SRCAP: variants seen among roughly 807,000 people sequenced by gnomAD.
SRCAP encodes the protein chromatin remodeling protein SRCAP.
SRCAP carries 46 observed loss-of-function variants against 263.1 expected under a neutral mutation model. The ratio of observed to expected loss-of-function variants is 0.17; its 90% confidence interval spans 0.14 to 0.22. The LOEUF (loss-of-function observed/expected upper bound fraction) is 0.22, where lower values mean the gene tolerates loss of function less well. SRCAP is among the 10% of genes least tolerant of loss of function. SRCAP has a pLI of 1.00. For synonymous variants in SRCAP, 1,813 were observed against 1,662.1 expected, an observed-to-expected ratio of 1.09 and a Z score of -2.21; for missense variants, 3,695 against 4,181.9, an observed-to-expected ratio of 0.88 and a Z score of 3.21.
At chr16:30,700,079 A>G (rs573368836) in intron 2 of SRCAP, 98 bp downstream of exon 2, 2 of 152,296 alleles carry the variant, frequency 1.3e-5, no homozygotes, top group Admixed American at 1.3e-4. Context: ...CACTCTAGAG[A>G]AGCATGGGAA....
At chr16:30,702,480 C>T (rs889722913) in intron 3 of SRCAP, among the ~76,000 whole-genome samples, 1 of 151,316 alleles carries the variant, frequency 6.6e-6, no homozygotes, top group African/African-American at 2.4e-5. Context: ...GTAATCCACC[C>T]GCCTCAGCCT....
At chr16:30,715,694 G>A (rs1385010049) in intron 16 of SRCAP, among the ~76,000 whole-genome samples, 2 of 151,894 alleles carry the variant, frequency 1.3e-5, no homozygotes, top group African/African-American at 4.8e-5. Context: ...TTTATCTTCT[G>A]AGATTACAGA....
At chr16:30,710,617 TCTTGCCCTGGGATTATA>T in intron 8 of SRCAP, 120 bp from the exon 9 acceptor site, 1 of 929,186 alleles carries the variant, frequency 1.1e-6, no homozygotes. Flanking sequence ...TTGATTGTAT[TCTTGCCCTGGGATTATA>T]CCAGTGGCAA....
Position 30,739,088 on chromosome 16 carries a change from A to G in SRCAP, c.9048A>G (p.Ser3016=). ...GCCGACCTCCCAAGAATCCTCCATC[A>G]CCTCGGCCCAGCCAGCTCCCCGTCT... is the stretch of plus-strand genomic sequence containing the variant. ...KRGRPPKNPP[S]PRPSQLPVLD... Residue 3016 remains serine, a synonymous_variant, in exon 34 of 34, where the codon TCA becomes TCG. Transcript: ENST00000262518. 3.7e-6 allele frequency: 6 copies of G among 1,613,788 alleles called. No homozygotes were observed. The highest frequency in any genetic ancestry group is 4.2e-6 in the Non-Finnish European group (5 of 1,179,934).
chr16:30,728,326 G>A (rs2151296063), intron 25 of SRCAP, among the ~76,000 whole-genome samples: 1 of 152,340 alleles, frequency 6.6e-6, no homozygotes, highest in African/African-American at 2.4e-5. Flanking sequence ...TCATACAGAT[G>A]TGTAACTACA....
chr16:30,736,722 G>GC, intron 33 of SRCAP, 98 bp downstream of exon 33: 3 of 1,302,586 alleles, frequency 2.3e-6, no homozygotes, highest in Non-Finnish European at 3.2e-6. Flanking sequence ...GCCCAGGCTG[G>GC]AGTGCAGTGG....
rs752527165 is a variant in SRCAP at position 30,724,418 on chromosome 16, C to A, written c.4994C>A (p.Pro1665Gln). 7.4e-6 allele frequency: 12 copies of A among 1,614,206 alleles called. No homozygotes were observed. In the South Asian group the frequency reaches 1.2e-4, roughly 16 times the overall value. Residue 1665 changes from proline to glutamine, a missense_variant, in exon 25 of 34, where the codon CCA becomes CAA. Around this residue, in one of 12 missense-constraint regions of SRCAP, gnomAD observed 1,347 missense variants for 1,304.4 expected, o/e 1.03. Transcript: ENST00000262518. Reference protein sequence around the residue: ...LAPSSTQTMLPAPVPSPLPSP... With the variant: ...LAPSSTQTMLQAPVPSPLPSP... ...CCATCATCAACTCAAACTATGCTAC[C>A]AGCCCCGGTTCCGTCACCTCTCCCG...
At chr16:30,730,946 A>G (rs9934046) in intron 27 of SRCAP, among the ~76,000 whole-genome samples, 147,791 of 152,252 alleles carry the variant, frequency 0.97, 71,859 homozygotes, top group Middle Eastern at 1. Context: ...GGGATTACAC[A>G]CGTGAGCCAT....
chr16:30,732,839 T>G (rs998685594), intron 27 of SRCAP, among the ~76,000 whole-genome samples: 6 of 152,188 alleles, frequency 3.9e-5, no homozygotes, highest in African/African-American at 1.4e-4. Flanking sequence ...TAAACGTAGA[T>G]AGATATTTTT....
intron 24 of SRCAP, 45 bp downstream of exon 24, chr16:30,723,274 G>A: frequency 6.4e-7 from 1 of 1,557,230 alleles, no homozygotes; most frequent in Non-Finnish European, 8.7e-7. Context: ...CAGGAATGGA[G>A]ACGAGATGGG....
chr16:30,717,136 C>G (rs2052958586), intron 18 of SRCAP, among the ~76,000 whole-genome samples: 1 of 152,066 alleles, frequency 6.6e-6, no homozygotes, highest in Admixed American at 6.5e-5. Context: ...TTTAATTACA[C>G]CCATATTAAT....
In SRCAP at chr16:30,723,774, A is replaced by T. The variant is rs767131635; in HGVS notation, c.4350A>T (p.Pro1450=). The change falls in exon 25 of 34, where the codon CCA becomes CCT. Residue 1450 remains proline, a synonymous_variant. Transcript: ENST00000262518. ...CTGTCCCCACCACACTTCCTGCCCC[A>T]GCCTCGGCTCCACTCACCATCCCCA... ...PISVPTTLPA[P]ASAPLTIPIS... is the part of the protein sequence containing the mutation. The T allele has an allele frequency of 4.8e-5, 77 of 1,613,136 alleles. No homozygotes were observed. Among genetic ancestry groups the T allele is most frequent in the Admixed American group, 3.8e-4 (23 of 59,912 alleles).
At position 30,737,312 on chromosome 16, in the gene SRCAP, C is replaced by A; in HGVS notation, c.7272C>A (p.Thr2424=). The A allele has an allele frequency of 6.2e-7, 1 of 1,614,114 alleles. No homozygotes were observed. The highest frequency in any genetic ancestry group is 8.5e-7 in the Non-Finnish European group (1 of 1,180,022). Residue 2424 remains threonine, a synonymous_variant, in exon 34 of 34, where the codon ACC becomes ACA. Transcript: ENST00000262518. The part of the protein sequence containing the change: ...VISAHQTRST[T]TPPRCSPARE... Reference sequence around the variant, plus strand: ...CCGCCCATCAAACTCGCAGCACCACCACACCACCCCGCTGCAGTCCTGCCA... The same window carrying A: ...CCGCCCATCAAACTCGCAGCACCACAACACCACCCCGCTGCAGTCCTGCCA...
intron 25 of SRCAP, chr16:30,726,032 C>T (rs1258065186): frequency 6.6e-6 from 1 of 152,178 alleles, no homozygotes; most frequent in East Asian, 1.9e-4. Context: ...CACCTGTTAG[C>T]CAGCATTCCC....
chr16:30,735,893 T>C (rs2053156556), intron 31 of SRCAP, among the ~76,000 whole-genome samples: 1 of 151,804 alleles, frequency 6.6e-6, no homozygotes, highest in Non-Finnish European at 1.5e-5. Context: ...TGTGCATTTT[T>C]ATTCACATCT....
At chr16:30,714,762 C>G (rs1446210416) in intron 16 of SRCAP, among the ~76,000 whole-genome samples, 1 of 152,106 alleles carries the variant, frequency 6.6e-6, no homozygotes, top group Non-Finnish European at 1.5e-5. Context: ...CCCGCTTGGC[C>G]TCCCAAAGTG....
rs751060190 is a variant in SRCAP, at chr16:30,724,620, G to A, written c.5196G>A (p.Leu1732=). Residue 1732 remains leucine, a synonymous_variant, in exon 25 of 34, where the codon CTG becomes CTA. Transcript: ENST00000262518. ...SSLVPTPAQT[L]SLAPGPPLGP... Reference sequence around the variant, plus strand: ...TGGTACCAACTCCAGCCCAGACACTGTCTTTGGCACCAGGACCACCACTGG... The same window carrying A: ...TGGTACCAACTCCAGCCCAGACACTATCTTTGGCACCAGGACCACCACTGG... 1 of 1,614,050 alleles carries A rather than the reference G, an allele frequency of 6.2e-7. No individual in the cohort carries two copies. Among genetic ancestry groups the A allele is most frequent in the Non-Finnish European group, 8.5e-7 (1 of 1,180,012 alleles).
At chr16:30,726,375 C>T (rs2053064784) in intron 25 of SRCAP, 1 of 152,190 alleles carries the variant, frequency 6.6e-6, no homozygotes, top group Non-Finnish European at 1.5e-5. Flanking sequence ...CTGTTAGATA[C>T]ATACTGAGGA....
At position 30,720,280 on chromosome 16, in the gene SRCAP, C is replaced by T; in HGVS notation, c.2936C>T (p.Thr979Ile). 6.2e-7 allele frequency: 1 copy of T among 1,613,820 alleles called. No individual in the cohort carries two copies. The highest frequency in any genetic ancestry group is 2.2e-5 in the East Asian group (1 of 44,884). The change falls in exon 19 of 34, where the codon ACT becomes ATT. Residue 979 changes from threonine (T) to isoleucine (I), a missense_variant. By Grantham distance (89) the Thr-to-Ile change is moderately conservative (BLOSUM62 -1). Coordinates refer to ENST00000262518, the MANE Select transcript of SRCAP (RefSeq NM_006662.3). ...LSRRVLLEVA[T>I]APDPPPRPKP... ...CGCCGGGTACTGTTAGAAGTGGCTA[C>T]TGCTCCTGACCCCCCACCCCGGCCC...
Sources: allele counts gnomAD v4.1 joint callset (sites outside exome capture counted in the v4.1 genomes callset), GRCh38; gene constraint gnomAD v4.1.1; regional missense constraint gnomAD v4.1.1; transcripts MANE v1.5; gene names NCBI Gene and HGNC (gene_info 2026-07-23, HGNC 2026-07-21).